The following ABI2 variants were observed in gnomAD, a reference collection of about 807,000 sequenced individuals.
The protein encoded by ABI2 is abelson interactor 2.
Under a neutral mutation model 59.2 loss-of-function variants are expected in ABI2, and 25 were observed. That is an observed-to-expected ratio of 0.42 (90% CI 0.31 to 0.59). The LOEUF is 0.59. Ranked by LOEUF, ABI2 falls within the 20% of genes least tolerant of loss-of-function variation. The probability of loss-of-function intolerance (pLI) is 0.14; values close to 1 mark genes in which losing one functional copy is unlikely to be tolerated. For missense variants in ABI2, 545 were observed against 681.8 expected, an observed-to-expected ratio of 0.80 and a Z score of 2.23; for synonymous variants, 213 against 235.5, an observed-to-expected ratio of 0.90 and a Z score of 0.87.
intron 1 of ABI2, among the ~76,000 whole-genome samples, chr2:203,339,239 A>G (rs1418159084): frequency 6.6e-6 from 1 of 151,418 alleles, no homozygotes; most frequent in Non-Finnish European, 1.5e-5. Context: ...TGGAGAAAAG[A>G]GAATCCTTGT....
At chr2:203,418,967 A>G (rs1049536541) in intron 11 of ABI2, among the ~76,000 whole-genome samples, 3 of 152,212 alleles carry the variant, frequency 2.0e-5, no homozygotes, top group Admixed American at 6.5e-5. Flanking sequence ...CATACAGAGG[A>G]ACAAAGATAA....
chr2:203,389,592 G>A (rs1466251716), intron 4 of ABI2, among the ~76,000 whole-genome samples: 1 of 152,148 alleles, frequency 6.6e-6, no homozygotes, highest in African/African-American at 2.4e-5. Flanking sequence ...TCAATGGTAT[G>A]ATGTCTTGCA....
intron 9 of ABI2, chr2:203,403,344 A>G (rs1490761690): frequency 1.3e-5 from 2 of 154,802 alleles, no homozygotes; most frequent in Non-Finnish European, 2.9e-5. Flanking sequence ...ATTAGACACC[A>G]TGGCTATTGT....
intron 2 of ABI2, among the ~76,000 whole-genome samples, chr2:203,374,316 A>G (rs575852621): frequency 7.0e-4 from 106 of 152,166 alleles, no homozygotes; most frequent in African/African-American, 2.4e-3. Context: ...CCTGGCCAAC[A>G]TAGTGAAACC....
intron 11 of ABI2, among the ~76,000 whole-genome samples, chr2:203,423,693 T>C (rs1472673263): frequency 6.6e-6 from 1 of 152,214 alleles, no homozygotes; most frequent in African/African-American, 2.4e-5. Context: ...AGTGCTGGGA[T>C]TACAGGCGTG....
chr2:203,395,585 A>G, intron 6 of ABI2, 71 bp from the exon 7 acceptor site: 1 of 1,488,194 alleles, frequency 6.7e-7, no homozygotes, highest in East Asian at 2.4e-5. Context: ...CATCTCAGAA[A>G]ATGTCGGGAA....
At chr2:203,369,342 C>T (rs2094882747) in intron 2 of ABI2, among the ~76,000 whole-genome samples, 1 of 151,896 alleles carries the variant, frequency 6.6e-6, no homozygotes, top group South Asian at 2.1e-4. Flanking sequence ...TTTTACTAGG[C>T]ATTAGGGGAG....
At chr2:203,397,779 T>C (rs1157657944) in intron 8 of ABI2, among the ~76,000 whole-genome samples, 4 of 152,178 alleles carry the variant, frequency 2.6e-5, no homozygotes, top group African/African-American at 9.7e-5. Flanking sequence ...CTTACACTCA[T>C]GGCCTAAGGC....
chr2:203,422,320 T>C (rs2098253325), intron 11 of ABI2, among the ~76,000 whole-genome samples: 1 of 152,104 alleles, frequency 6.6e-6, no homozygotes, highest in Non-Finnish European at 1.5e-5. Context: ...AGAGTCCCTA[T>C]AAACTGTCTG....
intron 10 of ABI2, among the ~76,000 whole-genome samples, chr2:203,412,104 T>C (rs1262168104): frequency 6.6e-6 from 1 of 152,224 alleles, no homozygotes; most frequent in African/African-American, 2.4e-5. Flanking sequence ...AAAGATCTCA[T>C]GTCATCAGAC....
chr2:203,402,223 C>T (rs906590477), intron 8 of ABI2, among the ~76,000 whole-genome samples: 7 of 152,224 alleles, frequency 4.6e-5, no homozygotes, highest in Admixed American at 2.0e-4. Flanking sequence ...TTAGTTGAAA[C>T]GGGGTTTCAC....
At chr2:203,378,909 TAAAC>T (rs1436594159) in intron 2 of ABI2, among the ~76,000 whole-genome samples, 2 of 152,154 alleles carry the variant, frequency 1.3e-5, no homozygotes, top group Admixed American at 6.5e-5. Flanking sequence ...ATATATATAA[TAAAC>T]AGACTTTTCA....
intron 9 of ABI2, among the ~76,000 whole-genome samples, chr2:203,405,406 C>T (rs2097380519): frequency 6.6e-6 from 1 of 152,052 alleles, no homozygotes; most frequent in Non-Finnish European, 1.5e-5. Flanking sequence ...ATTTATGAGT[C>T]AAGCACTGTG....
chr2:203,339,645 A>T (rs2078749957), intron 1 of ABI2, among the ~76,000 whole-genome samples: 1 of 152,092 alleles, frequency 6.6e-6, no homozygotes, highest in South Asian at 2.1e-4. Flanking sequence ...TAAAAATAGG[A>T]CAAACATACA....
chr2:203,374,861 A>G (rs1479022116), intron 2 of ABI2: 2 of 455,286 alleles, frequency 4.4e-6, no homozygotes, highest in Admixed American at 2.3e-5. Context: ...AGGTAGTGCT[A>G]TCCAGTACAG....
At chr2:203,394,952 A>T in intron 6 of ABI2, 106 bp downstream of exon 6, 1 of 1,277,226 alleles carries the variant, frequency 7.8e-7, no homozygotes, top group Non-Finnish European at 1.1e-6. Context: ...TCTTTTCCTC[A>T]CTCTATTCTC....
intron 1 of ABI2, among the ~76,000 whole-genome samples, chr2:203,339,223 A>G (rs1172915256): frequency 6.6e-6 from 1 of 151,350 alleles, no homozygotes; most frequent in Non-Finnish European, 1.5e-5. Flanking sequence ...AGTGTTGGCA[A>G]GCAGGTGGAG....
chr2:203,355,308 C>T, intron 1 of ABI2: 1 of 227,508 alleles, frequency 4.4e-6, no homozygotes, highest in Non-Finnish European at 9.6e-6. Flanking sequence ...GGTGGGAAGA[C>T]TAGCCTGAGC....
intron 8 of ABI2, among the ~76,000 whole-genome samples, chr2:203,398,222 G>A (rs2097086312): frequency 6.6e-6 from 1 of 152,164 alleles, no homozygotes; most frequent in Non-Finnish European, 1.5e-5. Context: ...GTAGATAAAT[G>A]TAAACATGGG....
Sources: allele counts gnomAD v4.1 joint callset (sites outside exome capture counted in the v4.1 genomes callset), GRCh38; gene constraint gnomAD v4.1.1; transcripts MANE v1.5; gene names NCBI Gene and HGNC (gene_info 2026-07-23, HGNC 2026-07-21).